Variants in GPR173 observed in about 807,000 individuals in gnomAD.
GPR173 encodes probable G protein-coupled receptor 173.
Under a neutral mutation model 13.9 loss-of-function variants are expected in GPR173, and 2 were observed. That is an observed-to-expected ratio of 0.14 (90% CI 0.06 to 0.45). The LOEUF is 0.45. Ranked by LOEUF, GPR173 falls within the 20% of genes least tolerant of loss-of-function variation. GPR173 has a pLI of 0.98. For synonymous variants in GPR173, 131 were observed against 141.0 expected (o/e 0.93, Z 0.50); for missense variants, 202 against 340.5 (o/e 0.59, Z 3.20).
intron 1 of GPR173, among the ~76,000 whole-genome samples, chrX:53,075,192 C>T (rs1556805661): frequency 9.3e-6 from 1 of 107,344 alleles, no homozygotes; most frequent in Non-Finnish European, 1.9e-5. Flanking sequence ...CACCTCAGGG[C>T]CTTTGCTCTG....
intron 1 of GPR173, among the ~76,000 whole-genome samples, chrX:53,072,570 T>C (rs968942732): frequency 3.6e-5 from 4 of 109,962 alleles, no homozygotes; most frequent in Non-Finnish European, 7.6e-5. Context: ...TCTCTCTCTG[T>C]CTCTTTCTCC....
chrX:53,067,650 C>A lies in GPR173; in HGVS notation c.-97-8875C>A, dbSNP rs182266271. ...ACCATCCTGGCTAACACAGTGAAAC[C>A]CCGTCTCTACTAAAATACAAAAAAT... On this transcript the variant is annotated intron_variant, in intron 1 of 1. Transcript: ENST00000332582. Among the ~76,000 whole-genome samples the A allele has an allele frequency of 5.6e-3, 614 of 110,520 alleles. 2 individuals carry two copies. Among genetic ancestry groups the A allele is most frequent in the African/African-American group, 0.019 (580 of 30,459 alleles).
intron 1 of GPR173, among the ~76,000 whole-genome samples, chrX:53,057,535 C>T (rs1244050174): frequency 1.9e-5 from 2 of 107,272 alleles, no homozygotes; most frequent in East Asian, 5.8e-4. Context: ...TTCGGGAGTT[C>T]GAGACCAGCC....
intron 1 of GPR173, among the ~76,000 whole-genome samples, chrX:53,065,845 A>G (rs1286197225): frequency 8.9e-6 from 1 of 111,905 alleles, no homozygotes; most frequent in Non-Finnish European, 1.9e-5. Context: ...CATGCCTGTA[A>G]TACCAGCACT....
At chrX:53,050,442 T>C (rs1460817249) in intron 1 of GPR173, among the ~76,000 whole-genome samples, 2 of 112,190 alleles carry the variant, frequency 1.8e-5, no homozygotes, top group African/African-American at 6.5e-5. Flanking sequence ...CAGGAAAGCC[T>C]GGTACATGGA....
intron 1 of GPR173, among the ~76,000 whole-genome samples, chrX:53,055,413 T>C (rs782014119): frequency 6.4e-5 from 7 of 109,583 alleles, no homozygotes; most frequent in East Asian, 2.9e-4. Flanking sequence ...AGAGCACGGA[T>C]ATATTTGGGT....
rs1556806038 is a variant in GPR173, at chrX:53,077,497, A to G, written c.876A>G (p.Thr292=). 8.3e-7 allele frequency: 1 copy of G among 1,211,550 alleles called. No individual in the cohort carries two copies. Among genetic ancestry groups the G allele is most frequent in the Admixed American group, 2.2e-5 (1 of 46,129 alleles). ...TGGGCCGCATGTTCTACGCGATCACACTGCTCTTTCTGCTCCTCTGGTCAC... is the reference window on the plus strand; with the variant it reads ...TGGGCCGCATGTTCTACGCGATCACGCTGCTCTTTCTGCTCCTCTGGTCAC... ...KQLGRMFYAI[T]LLFLLLWSPY... is the part of the protein sequence containing the mutation. The change falls in exon 2 of 2, where the codon ACA becomes ACG. Residue 292 remains threonine (T), a synonymous_variant. Coordinates refer to ENST00000332582, the MANE Select transcript of GPR173 (RefSeq NM_018969.6).
intron 1 of GPR173, among the ~76,000 whole-genome samples, chrX:53,055,999 GTGGGTAAGTGTAGTGCCTT>G (rs1932030797): frequency 9.2e-6 from 1 of 109,184 alleles, no homozygotes; most frequent in African/African-American, 3.3e-5. Context: ...TGGATGGGGT[GTGGGTAAGTGTAGTGCCTT>G]TGGAAGGTAT....
chrX:53,064,234 C>A (rs1245680448), intron 1 of GPR173, among the ~76,000 whole-genome samples: 1 of 111,697 alleles, frequency 9.0e-6, no homozygotes, highest in South Asian at 3.7e-4. Context: ...GTCCATTTCG[C>A]GCTACTATAA....
At chrX:53,061,135 A>C (rs1932119877) in intron 1 of GPR173, among the ~76,000 whole-genome samples, 1 of 108,691 alleles carries the variant, frequency 9.2e-6, no homozygotes, top group Non-Finnish European at 1.9e-5. Flanking sequence ...AGGCAGGAGA[A>C]TGGCGTGGAC....
At chrX:53,056,316 G>A (rs1411137911) in intron 1 of GPR173, among the ~76,000 whole-genome samples, 1 of 110,486 alleles carries the variant, frequency 9.1e-6, no homozygotes, top group Non-Finnish European at 1.9e-5. Context: ...ATGAAAGTAG[G>A]TGTATTTGAG....
At chrX:53,060,689 C>T (rs1232320584) in intron 1 of GPR173, among the ~76,000 whole-genome samples, 1 of 107,667 alleles carries the variant, frequency 9.3e-6, no homozygotes, top group African/African-American at 3.4e-5. Flanking sequence ...CACCCCTGCC[C>T]CGCGCCCCTT....
chrX:53,055,001 G>A (rs1370151477), intron 1 of GPR173, among the ~76,000 whole-genome samples: 1 of 109,315 alleles, frequency 9.1e-6, no homozygotes, highest in Non-Finnish European at 1.9e-5. Context: ...TGAGGGTGGG[G>A]GTGTATATAA....
At chrX:53,051,148 G>A (rs1215568268) in intron 1 of GPR173, among the ~76,000 whole-genome samples, 1 of 111,589 alleles carries the variant, frequency 9.0e-6, no homozygotes, top group Non-Finnish European at 1.9e-5. Flanking sequence ...CCAGACCTGT[G>A]AGGGACGCGT....
At position 53,080,388 on chromosome X, in the gene GPR173, A is replaced by G. The variant is rs1932517458; in HGVS notation, c.*2645A>G. ...TCAGTTCTTGGCACACTATATCATC[A>G]TTGGTCCATGTGAGGCCCTTTTATT... On this transcript the variant is annotated 3_prime_UTR_variant, in exon 2 of 2. Coordinates refer to ENST00000332582, the MANE Select transcript of GPR173 (RefSeq NM_018969.6). 8.2e-6 allele frequency: 1 copy of G among 121,506 alleles called. No homozygotes were observed. The highest frequency in any genetic ancestry group is 3.9e-4 in the South Asian group (1 of 2,564). 10.0% of individuals were successfully genotyped at this position (121,506 alleles called of 1,213,427 possible). A position where few individuals can be genotyped will look rare whatever the true frequency, so the allele number is the denominator to read the frequency against.
chrX:53,053,200 G>C (rs1470513819), intron 1 of GPR173, among the ~76,000 whole-genome samples: 1 of 112,826 alleles, frequency 8.9e-6, no homozygotes, highest in African/African-American at 3.2e-5. Context: ...GTGTGTACAA[G>C]TCTGTGTTAG....
intron 1 of GPR173, among the ~76,000 whole-genome samples, chrX:53,055,162 G>C (rs1457385544): frequency 9.1e-6 from 1 of 109,705 alleles, no homozygotes; most frequent in Non-Finnish European, 1.9e-5. Context: ...GAGAGTGGGG[G>C]TGTTTCTGAG....
rs922568324 is a variant in GPR173 at position 53,079,918 on chromosome X, C to T, written c.*2175C>T. The T allele has an allele frequency of 8.2e-6, 1 of 122,690 alleles. No homozygotes were observed. The highest frequency in any genetic ancestry group is 1.9e-5 in the Non-Finnish European group (1 of 53,048). The allele number at this position is 122,690 out of a possible 1,213,427, so 10.1% of individuals were successfully genotyped here. Reference sequence around the variant, plus strand: ...GACTCCCATCTCACAAGATGGGCCTCCCTTGGCCCAGGCCCTGAGCACGGG... The same window carrying T: ...GACTCCCATCTCACAAGATGGGCCTTCCTTGGCCCAGGCCCTGAGCACGGG... On this transcript the variant is annotated 3_prime_UTR_variant, in exon 2 of 2. Transcript: ENST00000332582.
intron 1 of GPR173, among the ~76,000 whole-genome samples, chrX:53,056,646 A>G (rs1932043906): frequency 9.1e-6 from 1 of 109,966 alleles, no homozygotes; most frequent in Non-Finnish European, 1.9e-5. Flanking sequence ...ATGTGAGTGT[A>G]TCTGTGTGTG....
Sources: allele counts gnomAD v4.1 joint callset (sites outside exome capture counted in the v4.1 genomes callset), GRCh38; gene constraint gnomAD v4.1.1; transcripts MANE v1.5; gene names NCBI Gene and HGNC (gene_info 2026-07-23, HGNC 2026-07-21).